The following PARD3B variants were observed in gnomAD, a reference collection of about 807,000 sequenced individuals.
The protein encoded by PARD3B is par-3 family cell polarity regulator beta, also known as partitioning defective 3 homolog B.
A neutral mutation model predicts 130.2 loss-of-function variants in PARD3B; 103 were observed. The observed-to-expected ratio is 0.79, with a 90% CI of 0.67 to 0.93. The LOEUF (loss-of-function observed/expected upper bound fraction) is 0.93, where lower values mean the gene tolerates loss of function less well. Among genes scored for constraint, PARD3B ranks in the 40% least tolerant of loss-of-function variants. The probability of loss-of-function intolerance (pLI) is 0.00; values close to 1 mark genes in which losing one functional copy is unlikely to be tolerated. For synonymous variants in PARD3B, 583 were observed against 553.2 expected, an observed-to-expected ratio of 1.05 and a Z score of -0.76; for missense variants, 1,609 against 1,499.2, an observed-to-expected ratio of 1.07 and a Z score of -1.21.
chr2:205,008,885 A>G (rs1695489528), intron 3 of PARD3B, among the ~76,000 whole-genome samples: 1 of 152,244 alleles, frequency 6.6e-6, no homozygotes, highest in South Asian at 2.1e-4. Context: ...GCCTACACAG[A>G]TAAGTTACAG....
At chr2:205,194,950 A>ATTTTTTTTTTTTTTTTTTTTTTTTTTTT (rs56836818) in intron 15 of PARD3B, among the ~76,000 whole-genome samples, 1 of 111,224 alleles carries the variant, frequency 9.0e-6, no homozygotes, top group Non-Finnish European at 1.7e-5. Context: ...CGCCAGGCTA[A>ATTTTTTTTTTTTTTTTTTTTTTTTTTTT]TTTTTTTTTT....
At position 205,301,836 on chromosome 2, in the gene PARD3B, G is replaced by T; in HGVS notation, c.2630+135G>T. 2.2e-6 allele frequency: 3 copies of T among 1,385,056 alleles called. No homozygotes were observed. The highest frequency in any genetic ancestry group is 3.1e-6 in the Non-Finnish European group (3 of 971,756). The allele number at this position is 1,385,056 out of a possible 1,614,324, so 85.8% of individuals were successfully genotyped here. Reference sequence around the variant, plus strand: ...AAATGCATACGGCTCTCAATTCTGTGCTCGTTCTCTTTCTGCAGAGGCAGA... The same window carrying T: ...AAATGCATACGGCTCTCAATTCTGTTCTCGTTCTCTTTCTGCAGAGGCAGA... On this transcript the variant is annotated intron_variant, in intron 18 of 22. Transcript: ENST00000406610. This position sits in a 1 kb window ranked among gnomAD's most constrained non-coding sequence, Gnocchi z 5.2.
At chr2:204,910,270 G>T (rs1209400153) in intron 2 of PARD3B, among the ~76,000 whole-genome samples, 1 of 152,154 alleles carries the variant, frequency 6.6e-6, no homozygotes, top group Non-Finnish European at 1.5e-5. Context: ...TCTTCCTTGT[G>T]TAATGAATGG....
At chr2:204,728,255 G>GA (rs2039328552) in intron 2 of PARD3B, among the ~76,000 whole-genome samples, 1 of 152,110 alleles carries the variant, frequency 6.6e-6, no homozygotes, top group African/African-American at 2.4e-5. Flanking sequence ...CCTGGTTCTA[G>GA]AAAGTTGTTG....
chr2:204,843,153 G>C (rs2044319780), intron 2 of PARD3B, among the ~76,000 whole-genome samples: 2 of 151,898 alleles, frequency 1.3e-5, no homozygotes, highest in Non-Finnish European at 2.9e-5. Context: ...TTTGAGAATT[G>C]TTACACTAGT....
chr2:205,085,363 G>T (rs1286399600), intron 4 of PARD3B, among the ~76,000 whole-genome samples: 1 of 151,372 alleles, frequency 6.6e-6, no homozygotes, highest in Non-Finnish European at 1.5e-5. Flanking sequence ...AGTGATCACT[G>T]GTTTTATTTT....
intron 2 of PARD3B, among the ~76,000 whole-genome samples, chr2:204,819,755 A>G (rs903345404): frequency 2.6e-5 from 4 of 152,168 alleles, no homozygotes; most frequent in Middle Eastern, 3.2e-3. Context: ...GGCAAGCAAA[A>G]CAGCCTCATT....
chr2:205,155,073 C>G (rs1046120451), intron 10 of PARD3B, among the ~76,000 whole-genome samples: 8 of 145,644 alleles, frequency 5.5e-5, no homozygotes, highest in African/African-American at 2.0e-4. Context: ...AAAAAAAAAA[C>G]AAATTTAGGT....
intron 20 of PARD3B, among the ~76,000 whole-genome samples, chr2:205,485,272 G>A (rs973331971): frequency 1.3e-5 from 2 of 152,078 alleles, no homozygotes; most frequent in Non-Finnish European, 2.9e-5. Flanking sequence ...CTGATGCATC[G>A]TGCTTCATCA....
At chr2:205,189,498 C>T (rs1256956600) in intron 14 of PARD3B, among the ~76,000 whole-genome samples, 1 of 152,150 alleles carries the variant, frequency 6.6e-6, no homozygotes, top group Non-Finnish European at 1.5e-5. Flanking sequence ...TTATCTAAGA[C>T]ATGTCTTTGG....
chr2:204,849,992 G>A (rs188268167), intron 2 of PARD3B, among the ~76,000 whole-genome samples: 5 of 152,242 alleles, frequency 3.3e-5, no homozygotes, highest in East Asian at 1.9e-4. Flanking sequence ...AAGCGTTAAC[G>A]TATTAGATAT....
At chr2:204,947,792 C>T (rs1481609441) in intron 2 of PARD3B, among the ~76,000 whole-genome samples, 2 of 152,082 alleles carry the variant, frequency 1.3e-5, no homozygotes, top group African/African-American at 4.8e-5. Flanking sequence ...ACCGTGAGTT[C>T]TAAAGGAAAG....
Position 205,015,682 on chromosome 2 carries a change from G to C in PARD3B, c.395-31899G>C, listed in dbSNP as rs1234427170. On this transcript the variant is annotated intron_variant, in intron 3 of 22. Transcript: ENST00000406610. The surrounding 1 kb of genome is among the most constrained non-coding windows in gnomAD (Gnocchi z 4.5). ...TCCGTATCCATACTTTCTTACTCTA[G>C]ATACTGAGAATCTCTTCTGTCAGTC... 2.0e-5 allele frequency among the ~76,000 whole-genome samples: 3 copies of C among 152,144 alleles called. No homozygotes were observed. Among genetic ancestry groups the C allele is most frequent in the Non-Finnish European group, 4.4e-5 (3 of 68,024 alleles).
rs2040599915 is a variant in PARD3B, at chr2:205,268,519, A to G, written c.2185+22697A>G. Among the ~76,000 whole-genome samples, 1 of 152,170 alleles carries G rather than the reference A, an allele frequency of 6.6e-6. No individual in the cohort carries two copies. The highest frequency in any genetic ancestry group is 1.5e-5 in the Non-Finnish European group (1 of 68,032). ...TGTTAAAAGTCCACTGGAAAATAAG[A>G]GAAAGAAAATTGAGTTTCAAGGACG... On this transcript the variant is annotated intron_variant, in intron 16 of 22. Coordinates refer to ENST00000406610, the MANE Select transcript of PARD3B (RefSeq NM_001302769.2). The surrounding 1 kb of genome is among the most constrained non-coding windows in gnomAD (Gnocchi z 4.1).
chr2:205,599,286 C>A (rs2054691293), intron 22 of PARD3B, among the ~76,000 whole-genome samples: 1 of 152,100 alleles, frequency 6.6e-6, no homozygotes, highest in Non-Finnish European at 1.5e-5. Flanking sequence ...TACATTGAGG[C>A]ACATGCAAAA....
At chr2:204,557,315 G>A (rs2125050495) in intron 1 of PARD3B, among the ~76,000 whole-genome samples, 1 of 152,176 alleles carries the variant, frequency 6.6e-6, no homozygotes, top group East Asian at 1.9e-4. Context: ...ATTCCTTGTA[G>A]CCTGTTACTG....
intron 1 of PARD3B, among the ~76,000 whole-genome samples, chr2:204,597,933 G>A (rs1402197789): frequency 6.6e-6 from 1 of 152,202 alleles, no homozygotes; most frequent in Non-Finnish European, 1.5e-5. Context: ...TTAGTCCAGT[G>A]TTTAATGATT....
chr2:205,082,896 T>G (rs1701504504), intron 4 of PARD3B, among the ~76,000 whole-genome samples: 1 of 151,860 alleles, frequency 6.6e-6, no homozygotes, highest in Non-Finnish European at 1.5e-5. Context: ...TTAAGGGAAA[T>G]TACACCAAAA....
chr2:204,560,762 A>ATTG (rs1300051120), intron 1 of PARD3B, among the ~76,000 whole-genome samples: 1 of 152,068 alleles, frequency 6.6e-6, no homozygotes, highest in Non-Finnish European at 1.5e-5. Context: ...GGATGGAGAT[A>ATTG]TTGTTGGACC....
Sources: gnomAD v4.1 joint callset for allele counts (sites outside exome capture counted in the v4.1 genomes callset) on GRCh38, gnomAD v4.1.1 for gene constraint, Gnocchi (gnomAD v3.1) non-coding constraint, MANE v1.5 for transcripts, NCBI Gene and HGNC (gene_info 2026-07-23, HGNC 2026-07-21) for gene names.